C1GALT1: variants seen among roughly 807,000 people sequenced by gnomAD.
C1GALT1 encodes the protein core 1 synthase, glycoprotein-N-acetylgalactosamine 3-beta-galactosyltransferase 1, also known as glycoprotein-N-acetylgalactosamine 3-beta-galactosyltransferase 1.
C1GALT1 carries 11 observed loss-of-function variants against 31.0 expected under a neutral mutation model. The ratio of observed to expected loss-of-function variants is 0.36; its 90% CI spans 0.22 to 0.59. C1GALT1 has a LOEUF of 0.59. C1GALT1 is among the 20% of genes least tolerant of loss of function. The pLI, the probability that C1GALT1 is intolerant of heterozygous loss-of-function variation, is 0.79. For missense variants in C1GALT1, 424 were observed against 425.2 expected, an observed-to-expected ratio of 1.00 and a Z score of 0.03; for synonymous variants, 175 against 143.6, an observed-to-expected ratio of 1.22 and a Z score of -1.56.
chr7:7,203,668 T>C (rs980625689), intron 1 of C1GALT1, among the ~76,000 whole-genome samples: 16 of 152,080 alleles, frequency 1.1e-4, no homozygotes, highest in African/African-American at 3.6e-4. Flanking sequence ...TTTTTTCTCT[T>C]TTTAGGTTGC....
At chr7:7,222,910 G>GTGTT (rs35730541) in intron 1 of C1GALT1, among the ~76,000 whole-genome samples, 4 of 150,876 alleles carry the variant, frequency 2.7e-5, no homozygotes, top group Admixed American at 2.0e-4. Flanking sequence ...GTTTTTTTTT[G>GTGTT]GTTTTATGCT....
chr7:7,242,915 A>G (rs1386182801), intron 3 of C1GALT1, among the ~76,000 whole-genome samples: 4 of 152,144 alleles, frequency 2.6e-5, no homozygotes, highest in African/African-American at 9.7e-5. Context: ...ACCACCTTTT[A>G]CAAATGTGGA....
chr7:7,171,327 T>C (rs545243240), intron 2 of C1GALT1, among the ~76,000 whole-genome samples: 226 of 152,238 alleles, frequency 1.5e-3, no homozygotes, highest in Admixed American at 1.4e-3. Context: ...TTTTTGATGA[T>C]ATATATATTT....
At chr7:7,210,775 T>TG (rs1423687062) in intron 1 of C1GALT1, among the ~76,000 whole-genome samples, 1 of 152,188 alleles carries the variant, frequency 6.6e-6, no homozygotes, top group African/African-American at 2.4e-5. Context: ...AAGAAGGCTG[T>TG]GGGAATCTCC....
At chr7:7,164,160 C>T (rs966921781) in intron 2 of C1GALT1, among the ~76,000 whole-genome samples, 1 of 152,190 alleles carries the variant, frequency 6.6e-6, no homozygotes, top group South Asian at 2.1e-4. Context: ...AGAAATAACA[C>T]CGTATATCTA....
intron 1 of C1GALT1, among the ~76,000 whole-genome samples, chr7:7,200,597 G>C (rs1433321688): frequency 6.6e-6 from 1 of 152,150 alleles, no homozygotes; most frequent in Non-Finnish European, 1.5e-5. Flanking sequence ...GTGTTTTCCA[G>C]CTTGGTTCCA....
At chr7:7,229,089 C>G (rs1324737957) in intron 1 of C1GALT1, among the ~76,000 whole-genome samples, 1 of 152,172 alleles carries the variant, frequency 6.6e-6, no homozygotes, top group African/African-American at 2.4e-5. Context: ...GTCCTGCAGT[C>G]CTTCCTCTTC....
chr7:7,213,666 T>G (rs1782107723), intron 1 of C1GALT1, among the ~76,000 whole-genome samples: 1 of 152,204 alleles, frequency 6.6e-6, no homozygotes, highest in Admixed American at 6.5e-5. Context: ...AAATTTTGTT[T>G]AAATCCAAAT....
chr7:7,205,205 G>A (rs1781687131), intron 1 of C1GALT1, among the ~76,000 whole-genome samples: 1 of 152,002 alleles, frequency 6.6e-6, no homozygotes, highest in Admixed American at 6.6e-5. Context: ...AGGTATGTAA[G>A]TGTTTATATA....
chr7:7,248,024 A>T lies in C1GALT1; in HGVS notation c.*4297A>T, dbSNP rs1399008350. On this transcript the variant is annotated 3_prime_UTR_variant, in exon 4 of 4. Coordinates refer to ENST00000436587, the MANE Select transcript of C1GALT1 (RefSeq NM_020156.5). ...TCCACTCACCCTTTTCTCAAAAACA[A>T]CAACAAAAAACAAAACTCATTTTAT... 6.6e-6 allele frequency: 1 copy of T among 152,092 alleles called. No homozygotes were observed. Among genetic ancestry groups the T allele is most frequent in the Non-Finnish European group, 1.5e-5 (1 of 67,926 alleles). 9.4% of individuals were successfully genotyped at this position (152,092 alleles called of 1,614,324 possible).
At chr7:7,180,246 A>G (rs1780555277), upstream of C1GALT1, among the ~76,000 whole-genome samples, 1 of 152,234 alleles carries the variant, frequency 6.6e-6, no homozygotes, top group South Asian at 2.1e-4. Flanking sequence ...TATAAAGTAT[A>G]TTTTTCAAAG....
chr7:7,206,010 A>G (rs550789459), intron 1 of C1GALT1, among the ~76,000 whole-genome samples: 2 of 152,082 alleles, frequency 1.3e-5, no homozygotes, highest in Non-Finnish European at 2.9e-5. Flanking sequence ...TGTGTATTCT[A>G]TAAGCTATTT....
chr7:7,167,762 A>T (rs940328484), intron 2 of C1GALT1, among the ~76,000 whole-genome samples: 3 of 152,050 alleles, frequency 2.0e-5, no homozygotes, highest in African/African-American at 2.4e-5. Context: ...CACAGCGCCC[A>T]GTCCCTTATT....
At chr7:7,187,626 G>A (rs1015461590) in intron 1 of C1GALT1, among the ~76,000 whole-genome samples, 1 of 152,090 alleles carries the variant, frequency 6.6e-6, no homozygotes, top group African/African-American at 2.4e-5. Flanking sequence ...ACAGAGGACC[G>A]GACGGCTTCC....
chr7:7,235,849 C>G (rs1254939105), intron 2 of C1GALT1, among the ~76,000 whole-genome samples: 1 of 152,134 alleles, frequency 6.6e-6, no homozygotes, highest in Non-Finnish European at 1.5e-5. Context: ...CTAGCCAATT[C>G]GATTTGTCAG....
At chr7:7,214,778 C>T (rs1173427805) in intron 1 of C1GALT1, among the ~76,000 whole-genome samples, 1 of 152,186 alleles carries the variant, frequency 6.6e-6, no homozygotes, top group Non-Finnish European at 1.5e-5. Context: ...GCCGGGTTTA[C>T]ATTCTCCAGT....
At chr7:7,206,269 C>T (rs1267020942) in intron 1 of C1GALT1, among the ~76,000 whole-genome samples, 2 of 151,642 alleles carry the variant, frequency 1.3e-5, no homozygotes, top group Non-Finnish European at 2.9e-5. Context: ...TTATAATTGC[C>T]TATGTATTTA....
chr7:7,190,952 C>CT (rs796596173), intron 1 of C1GALT1, among the ~76,000 whole-genome samples: 420 of 151,310 alleles, frequency 2.8e-3, no homozygotes, highest in African/African-American at 9.5e-3. Flanking sequence ...TCATTGATAC[C>CT]TTTTTTTTTC....
intron 1 of C1GALT1, among the ~76,000 whole-genome samples, chr7:7,227,701 C>T (rs1394395626): frequency 7.5e-6 from 1 of 133,434 alleles, no homozygotes; most frequent in East Asian, 2.2e-4. Context: ...GCCTGGGCAA[C>T]AGAGCGAGAC....
Sources: gnomAD v4.1 joint callset for allele counts (sites outside exome capture counted in the v4.1 genomes callset) on GRCh38, gnomAD v4.1.1 for gene constraint, MANE v1.5 for transcripts, NCBI Gene and HGNC (gene_info 2026-07-23, HGNC 2026-07-21) for gene names.